SEC23B: variants seen among roughly 807,000 people sequenced by gnomAD.
The protein encoded by SEC23B is protein transport protein Sec23B.
A neutral mutation model predicts 104.3 loss-of-function variants in SEC23B; 77 were observed. The observed-to-expected ratio is 0.74, with a 90% confidence interval of 0.61 to 0.89. The LOEUF (loss-of-function observed/expected upper bound fraction) is 0.89. Ranked by LOEUF, SEC23B falls within the 40% of genes least tolerant of loss-of-function variation. The pLI is 0.00. For synonymous variants in SEC23B, 338 were observed against 332.5 expected (o/e 1.02, Z -0.18); for missense variants, 885 against 949.4 (o/e 0.93, Z 0.89).
intron 6 of SEC23B, 117 bp from the exon 7 acceptor site, chr20:18,525,671 C>A: frequency 9.1e-7 from 1 of 1,094,476 alleles, no homozygotes; most frequent in Non-Finnish European, 1.4e-6. Context: ...AAAAAAATTA[C>A]CAGTCAGTTA....
In SEC23B at chr20:18,512,205, A is replaced by G. The variant is rs1383013569; in HGVS notation, c.222-20A>G. On this transcript the variant is annotated intron_variant, in intron 2 of 19. Coordinates refer to ENST00000650089, the MANE Select transcript of SEC23B (RefSeq NM_006363.6). ...AAAAATAAAAGTGGTACCTACTTAT[A>G]ATATTTATCTTTCTCACAGTCAGGT... 1 of 1,508,552 alleles carries G rather than the reference A, an allele frequency of 6.6e-7. No homozygotes were observed. Among genetic ancestry groups the G allele is most frequent in the Admixed American group, 1.7e-5 (1 of 58,590 alleles). 93.4% of individuals were successfully genotyped at this position (1,508,552 alleles called of 1,614,324 possible). A position where few individuals can be genotyped will look rare whatever the true frequency, so the allele number is the denominator to read the frequency against.
At chr20:18,549,360 T>A (rs545028146) in intron 16 of SEC23B, among the ~76,000 whole-genome samples, 13 of 152,152 alleles carry the variant, frequency 8.5e-5, no homozygotes, top group Non-Finnish European at 4.4e-5. Context: ...ATACCTAATA[T>A]AATGTAAGTA....
chr20:18,527,370 T>G (rs1474025956), intron 8 of SEC23B, 126 bp from the exon 9 acceptor site: 2 of 741,016 alleles, frequency 2.7e-6, no homozygotes, highest in Non-Finnish European at 4.9e-6. Flanking sequence ...AGAGAGAGAC[T>G]CTGTCACAAA....
intron 3 of SEC23B, among the ~76,000 whole-genome samples, chr20:18,514,881 T>G (rs999342128): frequency 1.2e-4 from 18 of 152,258 alleles, no homozygotes; most frequent in Admixed American, 4.6e-4. Context: ...ACATTCCGTA[T>G]GTATTACTTT....
At chr20:18,544,731 G>A (rs1177811940) in intron 14 of SEC23B, among the ~76,000 whole-genome samples, 1 of 152,238 alleles carries the variant, frequency 6.6e-6, no homozygotes, top group African/African-American at 2.4e-5. Flanking sequence ...ACATTGCAGA[G>A]AGAAAAGGCT....
At chr20:18,543,810 C>T (rs1241041403) in intron 14 of SEC23B, among the ~76,000 whole-genome samples, 1 of 152,156 alleles carries the variant, frequency 6.6e-6, no homozygotes, top group Admixed American at 6.5e-5. Context: ...GGGGAACTTA[C>T]TAGAAATTCA....
chr20:18,533,762 A>G (rs1464625682), intron 11 of SEC23B, among the ~76,000 whole-genome samples: 1 of 152,208 alleles, frequency 6.6e-6, no homozygotes, highest in South Asian at 2.1e-4. Context: ...GCTGCCCTAA[A>G]GCCCATCTGA....
At chr20:18,524,843 C>T in intron 5 of SEC23B, 92 bp from the exon 6 acceptor site, 7 of 1,420,110 alleles carry the variant, frequency 4.9e-6, no homozygotes, top group Non-Finnish European at 6.9e-6. Context: ...GAGGCACATG[C>T]CACCACACCC....
intron 17 of SEC23B, among the ~76,000 whole-genome samples, chr20:18,552,923 T>C (rs1461641801): frequency 2.0e-5 from 3 of 152,208 alleles, no homozygotes; most frequent in Non-Finnish European, 2.9e-5. Flanking sequence ...AAGATGTACA[T>C]CGGTTATATG....
chr20:18,539,630 C>G (rs1418067959), intron 12 of SEC23B, among the ~76,000 whole-genome samples: 1 of 151,064 alleles, frequency 6.6e-6, no homozygotes, highest in Admixed American at 6.6e-5. Flanking sequence ...AGCCACCACA[C>G]CCAGCCAGGA....
chr20:18,522,169 C>A (rs1304029883), intron 4 of SEC23B, among the ~76,000 whole-genome samples: 1 of 152,126 alleles, frequency 6.6e-6, no homozygotes, highest in Non-Finnish European at 1.5e-5. Flanking sequence ...GGGTGGGGAG[C>A]AGCCATGGGC....
At chr20:18,515,240 A>G (rs1043367357) in intron 3 of SEC23B, among the ~76,000 whole-genome samples, 1 of 152,202 alleles carries the variant, frequency 6.6e-6, no homozygotes, top group African/African-American at 2.4e-5. Flanking sequence ...AGAAGTTTTA[A>G]ATGCTGATTT....
At chr20:18,518,591 T>TGTTTTTG (rs1555787296) in intron 4 of SEC23B, among the ~76,000 whole-genome samples, 1 of 136,426 alleles carries the variant, frequency 7.3e-6, no homozygotes, top group Non-Finnish European at 1.6e-5. Flanking sequence ...GGTTTTTTTT[T>TGTTTTTG]TTTTTTTTTT....
At position 18,554,235 on chromosome 20, in the gene SEC23B, ACCATAGC is replaced by A; in HGVS notation, c.1997_2003del (p.Ile666SerfsTer57). ...TTTTGGTTGGTTTGTTTCTGTGTAGACCATAGCCCAGTGGCGTAAAGCTGGCTACCAG... is the reference window on the plus strand; with the variant it reads ...TTTTGGTTGGTTTGTTTCTGTGTAGACCAGTGGCGTAAAGCTGGCTACCAG... On this transcript the variant is annotated frameshift_variant and splice_region_variant, in exon 18 of 20. Transcript: ENST00000650089. LOFTEE classifies it high-confidence loss of function. 6.2e-7 allele frequency: 1 copy of A among 1,614,126 alleles called. No individual in the cohort carries two copies. The highest frequency in any genetic ancestry group is 8.5e-7 in the Non-Finnish European group (1 of 1,180,028).
At chr20:18,550,309 T>C (rs1036126911) in intron 16 of SEC23B, among the ~76,000 whole-genome samples, 9 of 151,900 alleles carry the variant, frequency 5.9e-5, no homozygotes, top group Admixed American at 3.9e-4. Context: ...CACGTGCCAC[T>C]ACAGCCCGGC....
chr20:18,524,474 C>A lies in SEC23B; in HGVS notation c.408C>A (p.Asp136Glu). 2 of 1,614,144 alleles carry A rather than the reference C, an allele frequency of 1.2e-6. No individual in the cohort carries two copies. The highest frequency in any genetic ancestry group is 1.7e-6 in the Non-Finnish European group (2 of 1,180,028). ...QSPLIFLYVV[D>E]TCLEEDDLQA... The stretch of plus-strand genomic sequence containing the variant: ...CTCTGATCTTTCTCTATGTGGTTGA[C>A]ACATGCCTGGAGGAAGATGACCTTC... The change falls in exon 5 of 20, where the codon GAC becomes GAA. Residue 136 changes from aspartate to glutamate, a missense_variant. Physicochemically the swap from Asp to Glu is conservative, Grantham distance 45. Coordinates refer to ENST00000650089, the MANE Select transcript of SEC23B (RefSeq NM_006363.6).
In SEC23B at chr20:18,524,931, TA is replaced by T; in HGVS notation, c.604-2del. The T allele has an allele frequency of 1.2e-6, 2 of 1,612,586 alleles. No homozygotes were observed. The highest frequency in any genetic ancestry group is 1.7e-6 in the Non-Finnish European group (2 of 1,179,062). ...TGAATCTTTTTGGCTTTTTTTTTTT[TA>T]AGGATATGTTGGGCCTGACCAAGCC... On this transcript the variant is annotated splice_region_variant and splice_polypyrimidine_tract_variant and intron_variant, in intron 5 of 19. Transcript: ENST00000650089.
chr20:18,526,592 T>C, intron 8 of SEC23B, 61 bp downstream of exon 8: 1 of 1,567,098 alleles, frequency 6.4e-7, no homozygotes, highest in Non-Finnish European at 8.8e-7. Context: ...TGGGCTGCTC[T>C]GGAGTGACAG....
chr20:18,511,512 T>G (rs2059981912), intron 2 of SEC23B, among the ~76,000 whole-genome samples: 1 of 152,140 alleles, frequency 6.6e-6, no homozygotes. Flanking sequence ...GTAATTTTTT[T>G]TTTTTTTGTG....
Sources: allele counts gnomAD v4.1 joint callset (sites outside exome capture counted in the v4.1 genomes callset), GRCh38; gene constraint gnomAD v4.1.1; transcripts MANE v1.5; gene names NCBI Gene and HGNC (gene_info 2026-07-23, HGNC 2026-07-21).